The following FGF14 variants were observed in gnomAD, a reference collection of about 807,000 sequenced individuals.
FGF14 encodes the protein fibroblast growth factor homologous factor 4.
In FGF14, 5 loss-of-function variants were observed where a neutral mutation model predicts 25.5. That is an observed-to-expected ratio of 0.20 (90% CI 0.10 to 0.41). The LOEUF (loss-of-function observed/expected upper bound fraction) is 0.41. FGF14 is among the 10% of genes least tolerant of loss of function. The pLI is 1.00. For synonymous variants in FGF14, 138 were observed against 118.3 expected, an observed-to-expected ratio of 1.17 and a Z score of -1.08; for missense variants, 222 against 320.1, an observed-to-expected ratio of 0.69 and a Z score of 2.34.
At chr13:102,275,914 G>A (rs1013231849) in intron 1 of FGF14, among the ~76,000 whole-genome samples, 1 of 152,010 alleles carries the variant, frequency 6.6e-6, no homozygotes, top group East Asian at 1.9e-4. Context: ...TAAAATAATT[G>A]TAATCTTAAA....
intron 1 of FGF14, among the ~76,000 whole-genome samples, chr13:101,887,627 A>T (rs1267284051): frequency 2.0e-5 from 3 of 152,108 alleles, no homozygotes; most frequent in Non-Finnish European, 4.4e-5. Flanking sequence ...TAATGGGCAC[A>T]AAAATACAGT....
chr13:102,008,051 T>C (rs1452627127), intron 1 of FGF14, among the ~76,000 whole-genome samples: 1 of 152,184 alleles, frequency 6.6e-6, no homozygotes, highest in East Asian at 1.9e-4. Flanking sequence ...TTTCACTGCA[T>C]CCCTATTTGT....
chr13:101,856,916 C>T (rs2044155285), intron 3 of FGF14, among the ~76,000 whole-genome samples: 1 of 151,894 alleles, frequency 6.6e-6, no homozygotes, highest in South Asian at 2.1e-4. Flanking sequence ...CTCTTTTGCA[C>T]GTGGTCTACG....
intron 3 of FGF14, among the ~76,000 whole-genome samples, chr13:101,812,653 A>ATATTTT (rs1826458302): frequency 8.6e-5 from 1 of 11,616 alleles, no homozygotes; most frequent in Non-Finnish European, 1.7e-4. Flanking sequence ...ATATATATAT[A>ATATTTT]TTTTTTTTTT....
At chr13:102,110,829 CT>C (rs2045188494) in intron 1 of FGF14, among the ~76,000 whole-genome samples, 1 of 152,046 alleles carries the variant, frequency 6.6e-6, no homozygotes, top group African/African-American at 2.4e-5. Flanking sequence ...CAATTGTTTC[CT>C]TTTTTGCCTC....
chr13:102,332,395 A>T (rs1355515367), intron 1 of FGF14, among the ~76,000 whole-genome samples: 1 of 152,172 alleles, frequency 6.6e-6, no homozygotes, highest in African/African-American at 2.4e-5. Flanking sequence ...TTAATATTTT[A>T]AAAATATATC....
intron 3 of FGF14, among the ~76,000 whole-genome samples, chr13:101,816,015 T>TA (rs145515032): frequency 0.58 from 87,560 of 151,368 alleles, 25,704 homozygotes; most frequent in Middle Eastern, 0.62. Context: ...CTCACGCCTG[T>TA]ATCCTAGCAC....
At chr13:101,943,806 T>C (rs1163039789) in intron 1 of FGF14, among the ~76,000 whole-genome samples, 2 of 124,046 alleles carry the variant, frequency 1.6e-5, no homozygotes, top group African/African-American at 7.6e-5. Context: ...AATCCCTGTC[T>C]CTACTTAAAA....
rs556785723 is a variant in FGF14 at position 102,085,685 on chromosome 13, T to C, written c.209-210389A>G. On this transcript the variant is annotated intron_variant, in intron 1 of 4. Transcript: ENST00000376131. ...ATTTTTATTAAGGTGAGAATAAATG[T>C]ACTCAGGTACACAGGTGGCAGAAAA... is the stretch of plus-strand genomic sequence containing the variant. Among the ~76,000 whole-genome samples the C allele has an allele frequency of 2.0e-5, 3 of 152,332 alleles. No homozygotes were observed. In the East Asian group the frequency reaches 5.8e-4, roughly 29 times the overall value.
chr13:102,351,027 C>T (rs4772463), intron 1 of FGF14, among the ~76,000 whole-genome samples: 95,507 of 151,760 alleles, frequency 0.63, 30,253 homozygotes, highest in Admixed American at 0.68. Flanking sequence ...CTGGGTACTC[C>T]CTTCTGCTTC....
At chr13:102,376,846 A>G (rs1337852098) in intron 1 of FGF14, among the ~76,000 whole-genome samples, 1 of 152,116 alleles carries the variant, frequency 6.6e-6, no homozygotes, top group Non-Finnish European at 1.5e-5. Context: ...TTGGAATTCC[A>G]TGTTTTCCAA....
chr13:102,004,495 T>C (rs2039675116), intron 1 of FGF14, among the ~76,000 whole-genome samples: 1 of 152,178 alleles, frequency 6.6e-6, no homozygotes, highest in Non-Finnish European at 1.5e-5. Context: ...TGATCTTTAC[T>C]GGAATGTGTG....
intron 1 of FGF14, among the ~76,000 whole-genome samples, chr13:102,134,674 A>G (rs2046333436): frequency 6.6e-6 from 1 of 152,200 alleles, no homozygotes; most frequent in Non-Finnish European, 1.5e-5. Flanking sequence ...GAAACTCAAC[A>G]ATATAATGAC....
chr13:102,022,982 T>G (rs922145047), intron 1 of FGF14, among the ~76,000 whole-genome samples: 2 of 81,112 alleles, frequency 2.5e-5, no homozygotes, highest in African/African-American at 7.4e-5. Context: ...AGGAAGGGCC[T>G]CTACTCTAAA....
At chr13:102,133,357 TAAAAG>T (rs2046279836) in intron 1 of FGF14, among the ~76,000 whole-genome samples, 1 of 152,192 alleles carries the variant, frequency 6.6e-6, no homozygotes, top group African/African-American at 2.4e-5. Flanking sequence ...TTTTAAGGAA[TAAAAG>T]AAAATCAGAC....
intron 1 of FGF14, among the ~76,000 whole-genome samples, chr13:102,326,666 AGGG>A (rs2056437511): frequency 1.2e-5 from 1 of 80,616 alleles, no homozygotes; most frequent in Non-Finnish European, 2.4e-5. Context: ...AGGGGAAGGG[AGGG>A]GAAGGGAAGG....
intron 1 of FGF14, among the ~76,000 whole-genome samples, chr13:102,327,592 TG>T (rs2056495836): frequency 6.6e-6 from 1 of 152,158 alleles, no homozygotes; most frequent in South Asian, 2.1e-4. Context: ...TCCAGCACTT[TG>T]GGATGCTAAG....
intron 1 of FGF14, among the ~76,000 whole-genome samples, chr13:102,386,692 GC>G (rs1478895874): frequency 6.6e-6 from 1 of 152,158 alleles, no homozygotes; most frequent in Non-Finnish European, 1.5e-5. Context: ...AAGTTAGTTG[GC>G]ACCAGAGAGG....
chr13:102,232,914 G>A (rs1379498584), intron 1 of FGF14, among the ~76,000 whole-genome samples: 1 of 152,100 alleles, frequency 6.6e-6, no homozygotes, highest in Non-Finnish European at 1.5e-5. Context: ...AAACAGGAGA[G>A]GCTTTAACCA....
Sources: allele counts gnomAD v4.1 joint callset (sites outside exome capture counted in the v4.1 genomes callset), GRCh38; gene constraint gnomAD v4.1.1; transcripts MANE v1.5; gene names NCBI Gene and HGNC (gene_info 2026-07-23, HGNC 2026-07-21).